The following RBM10 variants were observed in gnomAD, a reference collection of about 807,000 sequenced individuals.
RBM10 encodes the protein RNA-binding protein 10.
Under a neutral mutation model 84.9 loss-of-function variants are expected in RBM10, and 1 was observed. The ratio of observed to expected loss-of-function variants is 0.01; its 90% confidence interval spans 0.00 to 0.06. RBM10 has a LOEUF of 0.06. Ranked by LOEUF, RBM10 falls within the 10% of genes least tolerant of loss-of-function variation. The probability of loss-of-function intolerance (pLI) is 1.00; values close to 1 mark genes in which losing one functional copy is unlikely to be tolerated. For missense variants in RBM10, 438 were observed against 839.0 expected, an observed-to-expected ratio of 0.52 and a Z score of 5.90; for synonymous variants, 326 against 344.5, an observed-to-expected ratio of 0.95 and a Z score of 0.60.
In RBM10 at chrX:47,179,326, G is replaced by A. The variant is rs2147167311; in HGVS notation, c.732G>A (p.Glu244=). The change falls in exon 9 of 24, where the codon GAG becomes GAA. Residue 244 remains glutamate (E), a synonymous_variant. Transcript: ENST00000377604. ...FKCGVPKSEA[E]QKLPLGTRLD... ...TCCCACTGCCCCTGACAGAGGCAGAGCAGAAGCTGCCCCTCGGCACGAGGC... is the reference window on the plus strand; with the variant it reads ...TCCCACTGCCCCTGACAGAGGCAGAACAGAAGCTGCCCCTCGGCACGAGGC... The A allele has an allele frequency of 2.5e-6, 3 of 1,198,670 alleles. No homozygotes were observed. Among genetic ancestry groups the A allele is most frequent in the Non-Finnish European group, 3.4e-6 (3 of 890,017 alleles).
At chrX:47,168,987 A>C (rs1556770333) in intron 2 of RBM10, among the ~76,000 whole-genome samples, 1 of 110,607 alleles carries the variant, frequency 9.0e-6, no homozygotes, top group African/African-American at 3.3e-5. Context: ...CACTTCAGAG[A>C]TGTGGAGCAG....
rs985448751 is a variant in RBM10, at chrX:47,169,627, C to T, written c.201+129C>T. 20 of 699,411 alleles carry T rather than the reference C, an allele frequency of 2.9e-5. No homozygotes were observed. In the East Asian group the frequency reaches 6.7e-4, roughly 24 times the overall value. The allele number at this position is 699,411 out of a possible 1,213,427, so 57.6% of individuals were successfully genotyped here. On this transcript the variant is annotated intron_variant, in intron 3 of 23. Transcript: ENST00000377604. ...CTTCAGACTGTGCTCGGTGGCTTTG[C>T]CTCACCTGGAGGGCCTGTTCCCACT...
Position 47,185,785 on chromosome X carries a change from A to G in RBM10, c.2425A>G (p.Met809Val), listed in dbSNP as rs1556782198. The change falls in exon 21 of 24, where the codon ATG becomes GTG. Residue 809 changes from methionine (M) to valine (V), a missense_variant. Physicochemically the swap from Met to Val is conservative, Grantham distance 21. Transcript: ENST00000377604. Reference protein sequence around the residue: ...NELEALEKNDMEQMKYRDRAA... With the variant: ...NELEALEKNDVEQMKYRDRAA... ...GCTAGAAGCACTAGAGAAGAATGAC[A>G]TGGAGGTGAGGTGTGACCTGACCCT... The G allele has an allele frequency of 4.1e-6, 5 of 1,209,616 alleles. No homozygotes were observed. Among genetic ancestry groups the G allele is most frequent in the Middle Eastern group, 2.3e-4 (1 of 4,375 alleles).
Position 47,171,216 on chromosome X carries a change from C to T in RBM10, c.390C>T (p.Ile130=), listed in dbSNP as rs1934641800. Residue 130 remains isoleucine, a synonymous_variant, in exon 4 of 24, where the codon ATC becomes ATT. Transcript: ENST00000377604. ...AGGAGGAGGAGAAGGCCAGTAACAT[C>T]GTCATGCTGAGGATGCTGCCACAGG... is the stretch of plus-strand genomic sequence containing the variant. The part of the protein sequence containing the change: ...DEEEEEKASN[I]VMLRMLPQAA... 2.5e-6 allele frequency: 3 copies of T among 1,209,734 alleles called. No homozygotes were observed. Among genetic ancestry groups the T allele is most frequent in the Non-Finnish European group, 3.4e-6 (3 of 894,861 alleles).
intron 7 of RBM10, among the ~76,000 whole-genome samples, chrX:47,177,913 A>G (rs1556776933): frequency 3.6e-5 from 4 of 111,716 alleles, no homozygotes; most frequent in Non-Finnish European, 1.9e-5. Flanking sequence ...CACCACGCCC[A>G]GCCCAAAACC....
rs1935845531 is a variant in RBM10 at position 47,185,585 on chromosome X, C to T, written c.2310C>T (p.Ser770=). ...TGCTCTGCCGACGCCAGTTCCCCAGCAAAGAGGCGCTCATCCGGCACCAGC... is the reference window on the plus strand; with the variant it reads ...TGCTCTGCCGACGCCAGTTCCCCAGTAAAGAGGCGCTCATCCGGCACCAGC... The part of the protein sequence containing the change: ...ACLLCRRQFP[S]KEALIRHQQL... Residue 770 remains serine, a synonymous_variant, in exon 20 of 24, where the codon AGC becomes AGT. Coordinates refer to ENST00000377604, the MANE Select transcript of RBM10 (RefSeq NM_005676.5). The T allele has an allele frequency of 8.3e-7, 1 of 1,204,694 alleles. No homozygotes were observed. Among genetic ancestry groups the T allele is most frequent in the Non-Finnish European group, 1.1e-6 (1 of 891,783 alleles).
Position 47,186,632 on chromosome X carries a change from G to A in RBM10, c.*33G>A. On this transcript the variant is annotated 3_prime_UTR_variant, in exon 24 of 24. Transcript: ENST00000377604. ...CAAGAGCAACTTCTCCACATGTTGG[G>A]TGTCCATCCTGGGGCAGGGAAGGAC... 2.5e-6 allele frequency: 3 copies of A among 1,210,053 alleles called. No homozygotes were observed. Among genetic ancestry groups the A allele is most frequent in the Non-Finnish European group, 3.4e-6 (3 of 894,504 alleles).
In RBM10 at chrX:47,156,128, C is replaced by T. The variant is rs1468499075; in HGVS notation, c.17+8630C>T. On this transcript the variant is annotated intron_variant, in intron 2 of 23. Coordinates refer to ENST00000377604, the MANE Select transcript of RBM10 (RefSeq NM_005676.5). ...CCAGCCCACTAGATTCTACTATTAA[C>T]GTTTTACCATACTTGCTTTATTACA... Among the ~76,000 whole-genome samples, 4 of 110,452 alleles carry T rather than the reference C, an allele frequency of 3.6e-5. No homozygotes were observed. In the Admixed American group the frequency reaches 3.9e-4, roughly 11 times the overall value.
Position 47,186,688 on chromosome X carries a change from C to T in RBM10, c.*89C>T. The T allele has an allele frequency of 9.0e-7, 1 of 1,110,256 alleles. No homozygotes were observed. The highest frequency in any genetic ancestry group is 1.2e-6 in the Non-Finnish European group (1 of 808,410). The allele number at this position is 1,110,256 out of a possible 1,213,427, so 91.5% of individuals were successfully genotyped here. ...GTTGGATGGCTGGGACGGGGCCTTG[C>T]TCTTGTCGGCCAGCCCACTCCCCAG... On this transcript the variant is annotated 3_prime_UTR_variant, in exon 24 of 24. Transcript: ENST00000377604.
At chrX:47,158,871 C>T (rs782089679) in intron 2 of RBM10, among the ~76,000 whole-genome samples, 5 of 112,423 alleles carry the variant, frequency 4.4e-5, no homozygotes, top group Non-Finnish European at 9.4e-5. Flanking sequence ...CCAATATTTA[C>T]ATTCATGTAC....
intron 2 of RBM10, among the ~76,000 whole-genome samples, chrX:47,154,848 G>A (rs782225174): frequency 9.1e-6 from 1 of 109,831 alleles, no homozygotes; most frequent in African/African-American, 3.3e-5. Flanking sequence ...AGGCATTTAC[G>A]GTAGGGAAAC....
At chrX:47,159,895 T>TG (rs1933529195) in intron 2 of RBM10, among the ~76,000 whole-genome samples, 1 of 112,117 alleles carries the variant, frequency 8.9e-6, no homozygotes, top group African/African-American at 3.2e-5. Context: ...CCCAGCACTT[T>TG]GGGAGGCCGA....
At chrX:47,176,700 T>C in intron 7 of RBM10, 114 bp downstream of exon 7, 1 of 1,122,974 alleles carries the variant, frequency 8.9e-7, no homozygotes, top group Non-Finnish European at 1.2e-6. Context: ...TCCCCCAATC[T>C]CTCCTCTCCC....
At chrX:47,173,925 C>CTCTCTCTCTT (rs1556774887) in intron 5 of RBM10, among the ~76,000 whole-genome samples, 4 of 101,448 alleles carry the variant, frequency 3.9e-5, no homozygotes, top group African/African-American at 1.5e-4. Context: ...CTCTCTCTCT[C>CTCTCTCTCTT]TCTCTCTCTT....
rs782360107 is a variant in RBM10, at chrX:47,182,239, G to T, written c.1863G>T (p.Gln621His). The T allele has an allele frequency of 8.3e-7, 1 of 1,211,890 alleles. No individual in the cohort carries two copies. The highest frequency in any genetic ancestry group is 1.8e-5 in the South Asian group (1 of 56,956). ...ERRTYVPALEQSADGHKETGA... is the reference protein window; with the variant it reads ...ERRTYVPALEHSADGHKETGA... ...GGACCTATGTTCCCGCCCTGGAGCA[G>T]TCGGCCGACGGACATAAGGAGACAG... The change falls in exon 17 of 24, where the codon CAG (glutamine) becomes CAT (histidine). Residue 621 changes from glutamine to histidine, a missense_variant. Around this residue, in one of 8 missense-constraint regions of RBM10, gnomAD observed 39 missense variants for 119.5 expected, o/e 0.33. Coordinates refer to ENST00000377604, the MANE Select transcript of RBM10 (RefSeq NM_005676.5).
intron 2 of RBM10, among the ~76,000 whole-genome samples, chrX:47,154,821 A>G (rs1341378156): frequency 9.1e-6 from 1 of 110,015 alleles, no homozygotes; most frequent in Non-Finnish European, 1.9e-5. Flanking sequence ...CATACCACTG[A>G]CAGTGATTTC....
chrX:47,162,793 G>T (rs986348337), intron 2 of RBM10, among the ~76,000 whole-genome samples: 1 of 109,830 alleles, frequency 9.1e-6, no homozygotes, highest in African/African-American at 3.3e-5. Flanking sequence ...AGAATCGCTT[G>T]AACCCGGGTG....
In RBM10 at chrX:47,174,850, G is replaced by A. The variant is rs781913473; in HGVS notation, c.503-169G>A. On this transcript the variant is annotated intron_variant, in intron 5 of 23. Coordinates refer to ENST00000377604, the MANE Select transcript of RBM10 (RefSeq NM_005676.5). ...CCTGGCCATCTACCTTGCCCCCCAC[G>A]CCCGCTAGTCTTTCTCTCTCTGATT... Among the ~76,000 whole-genome samples, 16 of 98,687 alleles carry A rather than the reference G, an allele frequency of 1.6e-4. No homozygotes were observed. In the Admixed American group the frequency reaches 1.7e-3, roughly 10 times the overall value. 85.7% of individuals were successfully genotyped at this position (98,687 alleles called of 115,157 possible). A position where few individuals can be genotyped will look rare whatever the true frequency, so the allele number is the denominator to read the frequency against.
chrX:47,169,272 A>C, intron 2 of RBM10, 43 bp from the exon 3 acceptor site: 2 of 1,160,918 alleles, frequency 1.7e-6, no homozygotes, highest in Non-Finnish European at 2.3e-6. Context: ...CCTTTTAGAA[A>C]GGGCAACCTT....
Sources: gnomAD v4.1 joint callset for allele counts (sites outside exome capture counted in the v4.1 genomes callset) on GRCh38, gnomAD v4.1.1 for gene constraint, gnomAD v4.1.1 regional missense constraint, MANE v1.5 for transcripts, NCBI Gene and HGNC (gene_info 2026-07-23, HGNC 2026-07-21) for gene names.